Variants in XYLB observed in about 807,000 individuals in gnomAD.
XYLB encodes xylulose kinase.
XYLB carries 62 observed loss-of-function variants against 78.7 expected under a neutral mutation model. The observed-to-expected ratio is 0.79, with a 90% CI of 0.64 to 0.97. XYLB has a LOEUF of 0.97. Among genes scored for constraint, XYLB ranks in the 50% least tolerant of loss-of-function variants. The pLI, the probability that XYLB is intolerant of heterozygous loss-of-function variation, is 0.00. For synonymous variants in XYLB, 245 were observed against 247.4 expected, an observed-to-expected ratio of 0.99 and a Z score of 0.09; for missense variants, 687 against 676.8, an observed-to-expected ratio of 1.02 and a Z score of -0.17.
chr3:38,383,055 G>A (rs1462037607), intron 15 of XYLB, among the ~76,000 whole-genome samples: 2 of 152,190 alleles, frequency 1.3e-5, no homozygotes, highest in Admixed American at 1.3e-4. Flanking sequence ...GCAATAAAGA[G>A]GCACTTTGAA....
At chr3:38,374,563 A>G (rs938120489) in intron 11 of XYLB, 61 bp downstream of exon 11, 3 of 1,605,570 alleles carry the variant, frequency 1.9e-6, no homozygotes, top group Non-Finnish European at 2.6e-6. Flanking sequence ...CCACACTCTG[A>G]TAAGTAGCAG....
rs1283404327 is a variant in XYLB, at chr3:38,365,230, C to T, written c.323C>T (p.Ala108Val). ...GGAAGTATATACTGGAAGGCTGGAG[C>T]CCAGCAGGCACTGACAAGCTTATCA... ...QHGSIYWKAG[A>V]QQALTSLSPD... The change falls in exon 5 of 19, where the codon GCC becomes GTC. Residue 108 changes from alanine to valine, a missense_variant. Physicochemically the swap from Ala to Val is moderately conservative, Grantham distance 64. Coordinates refer to ENST00000207870, the MANE Select transcript of XYLB (RefSeq NM_005108.4). The T allele has an allele frequency of 1.2e-6, 2 of 1,614,092 alleles. No homozygotes were observed. The highest frequency in any genetic ancestry group is 1.7e-6 in the Non-Finnish European group (2 of 1,180,044).
Position 38,346,859 on chromosome 3 carries a change from C to T in XYLB, c.-10C>T. The T allele has an allele frequency of 6.6e-7, 1 of 1,516,120 alleles. No individual in the cohort carries two copies. The highest frequency in any genetic ancestry group is 8.8e-7 in the Non-Finnish European group (1 of 1,134,510). 93.9% of individuals were successfully genotyped at this position (1,516,120 alleles called of 1,614,324 possible). ...CGGACTGACGGACGCGCAGCCTTAC[C>T]CGAAAGGCCATGGCGGAGCACGCCC... On this transcript the variant is annotated 5_prime_UTR_variant, in exon 1 of 19. Coordinates refer to ENST00000207870, the MANE Select transcript of XYLB (RefSeq NM_005108.4).
At chr3:38,428,816 T>C in the XYLB span, among the ~76,000 whole-genome samples, 1 of 152,218 alleles carries the variant, frequency 6.6e-6, no homozygotes, top group Admixed American at 6.5e-5. Flanking sequence ...GTTCCAGCTG[T>C]TCATTGTCCT....
chr3:38,371,948 G>A (rs1320613960), intron 9 of XYLB, among the ~76,000 whole-genome samples: 8 of 152,170 alleles, frequency 5.3e-5, no homozygotes, highest in Admixed American at 5.2e-4. Flanking sequence ...CTTTTAGTTG[G>A]ATGTGAAATT....
intron 15 of XYLB, among the ~76,000 whole-genome samples, chr3:38,388,532 T>TA (rs536579073): frequency 6.6e-6 from 1 of 151,914 alleles, no homozygotes; most frequent in Non-Finnish European, 1.5e-5. Context: ...ACAAAATAAG[T>TA]AAAAAAAAGT....
At chr3:38,399,765 C>T (rs1442782497) in intron 17 of XYLB, among the ~76,000 whole-genome samples, 2 of 152,152 alleles carry the variant, frequency 1.3e-5, no homozygotes, top group Non-Finnish European at 2.9e-5. Context: ...GGGCCACTGC[C>T]CTGCTCTGCC....
At chr3:38,419,945 G>C (rs1276395569), downstream of XYLB, among the ~76,000 whole-genome samples, 1 of 151,682 alleles carries the variant, frequency 6.6e-6, no homozygotes, top group African/African-American at 2.4e-5. Context: ...TTAGCCTCCC[G>C]AGTAACTGGG....
chr3:38,417,779 C>G (rs555214565), downstream of XYLB, among the ~76,000 whole-genome samples: 3 of 150,490 alleles, frequency 2.0e-5, no homozygotes, highest in East Asian at 5.8e-4. Context: ...ACTTGGGAGG[C>G]TGAGGCAGGA....
chr3:38,416,162 T>C (rs1708787122), downstream of XYLB, among the ~76,000 whole-genome samples: 1 of 152,078 alleles, frequency 6.6e-6, no homozygotes, highest in Non-Finnish European at 1.5e-5. Context: ...AAACTATATA[T>C]GCTTTGACAA....
chr3:38,435,892 A>G, the XYLB span, among the ~76,000 whole-genome samples: 1 of 152,178 alleles, frequency 6.6e-6, no homozygotes, highest in Non-Finnish European at 1.5e-5. Context: ...AAATTCTTTA[A>G]GGAAATGAAA....
chr3:38,379,150 G>C, intron 14 of XYLB, 96 bp from the exon 15 acceptor site: 1 of 1,249,500 alleles, frequency 8.0e-7, no homozygotes, highest in South Asian at 1.2e-5. Flanking sequence ...TCAAATCTGG[G>C]CTGTTGTTTA....
In XYLB at chr3:38,376,904, T is replaced by A; in HGVS notation, c.1121-14T>A. 6.2e-7 allele frequency: 1 copy of A among 1,611,400 alleles called. No individual in the cohort carries two copies. The highest frequency in any genetic ancestry group is 1.7e-5 in the Admixed American group (1 of 59,976). On this transcript the variant is annotated splice_polypyrimidine_tract_variant and intron_variant, in intron 13 of 18. Transcript: ENST00000207870. Reference sequence around the variant, plus strand: ...TGACTAATGACGGCTGATCTCTTCCTGGTTTTATTTCAGGTTTTTATTTTG... The same window carrying A: ...TGACTAATGACGGCTGATCTCTTCCAGGTTTTATTTCAGGTTTTTATTTTG...
chr3:38,377,730 A>T (rs1706936573), intron 14 of XYLB, among the ~76,000 whole-genome samples: 1 of 152,106 alleles, frequency 6.6e-6, no homozygotes, highest in Non-Finnish European at 1.5e-5. Context: ...TTGAGCCACC[A>T]TGCCCGGCTA....
intron 18 of XYLB, among the ~76,000 whole-genome samples, chr3:38,407,099 A>G (rs1177458521): frequency 6.8e-6 from 1 of 147,928 alleles, no homozygotes; most frequent in African/African-American, 2.5e-5. Flanking sequence ...ACCAAAGTTG[A>G]AATGAAGGAA....
chr3:38,374,974 A>G (rs921731209), intron 11 of XYLB, among the ~76,000 whole-genome samples, 170 bp from the exon 12 acceptor site: 2 of 152,196 alleles, frequency 1.3e-5, no homozygotes, highest in Admixed American at 1.3e-4. Context: ...CTCCTGGCTC[A>G]TCTGGTATGG....
chr3:38,421,505 T>A (rs1472203365), downstream of XYLB, among the ~76,000 whole-genome samples: 2 of 152,216 alleles, frequency 1.3e-5, no homozygotes, highest in African/African-American at 2.4e-5. Flanking sequence ...TACGCAGCTT[T>A]TTAGTGCAGT....
chr3:38,376,825 A>C, intron 13 of XYLB, 93 bp from the exon 14 acceptor site: 1 of 1,028,100 alleles, frequency 9.7e-7, no homozygotes, highest in Non-Finnish European at 1.5e-6. Context: ...ACCCAGGGAT[A>C]TGGGGTCATT....
At chr3:38,445,511 G>C in the XYLB span, among the ~76,000 whole-genome samples, 50 of 152,324 alleles carry the variant, frequency 3.3e-4, no homozygotes, top group Non-Finnish European at 6.2e-4. Flanking sequence ...CAGGCATTAG[G>C]ACCCAGGAGG....
Sources: allele counts gnomAD v4.1 joint callset (sites outside exome capture counted in the v4.1 genomes callset), GRCh38; gene constraint gnomAD v4.1.1; transcripts MANE v1.5; gene names NCBI Gene and HGNC (gene_info 2026-07-23, HGNC 2026-07-21).